The following RFX1 variants were observed in gnomAD, a reference collection of about 807,000 sequenced individuals.
RFX1 encodes MHC class II regulatory factor RFX1.
A neutral mutation model predicts 119.6 loss-of-function variants in RFX1; 42 were observed. That is an observed-to-expected ratio of 0.35 (90% CI 0.27 to 0.45). The LOEUF (loss-of-function observed/expected upper bound fraction) is 0.45. Among genes scored for constraint, RFX1 ranks in the 20% least tolerant of loss-of-function variants. RFX1 has a pLI of 1.00. For synonymous variants in RFX1, 628 were observed against 618.5 expected, an observed-to-expected ratio of 1.02 and a Z score of -0.23; for missense variants, 1,118 against 1,368.1, an observed-to-expected ratio of 0.82 and a Z score of 2.88.
In RFX1 at chr19:13,971,100, G is replaced by A. The variant is rs187605811; in HGVS notation, c.1315-925C>T. ...TGTAATCCCAACACTTTGGGAGGCC[G>A]AGGCGGGCGGATCACCTGAAGTCAG... On this transcript the variant is annotated intron_variant, in intron 9 of 20. Coordinates refer to ENST00000254325, the MANE Select transcript of RFX1 (RefSeq NM_002918.5). Among the ~76,000 whole-genome samples, 485 of 152,128 alleles carry A rather than the reference G, an allele frequency of 3.2e-3. 3 individuals carry two copies. The highest frequency in any genetic ancestry group is 0.017 in the Middle Eastern group (5 of 294).
In RFX1 at chr19:13,973,029, G is replaced by T. The variant is rs753133767; in HGVS notation, c.1028C>A (p.Thr343Asn). Reference protein sequence around the residue: ...EAAGTATQVSTPATSQAVASS... With the variant: ...EAAGTATQVSNPATSQAVASS... ...GGCCACCGCCTGGGAGGTGGCGGGG[G>T]TGCTGACCTGGGTGGCCGTGCCTGC... is the stretch of plus-strand genomic sequence containing the variant. The change falls in exon 9 of 21, where the codon ACC becomes AAC. Residue 343 changes from threonine (T) to asparagine (N), a missense_variant. Thr to Asn is a moderately conservative substitution (Grantham distance 65, BLOSUM62 0). Around this residue, in one of 5 missense-constraint regions of RFX1, gnomAD observed 542 missense variants for 602.7 expected, o/e 0.90. Coordinates refer to ENST00000254325, the MANE Select transcript of RFX1 (RefSeq NM_002918.5). The T allele has an allele frequency of 3.1e-6, 5 of 1,601,570 alleles. No homozygotes were observed. Among genetic ancestry groups the T allele is most frequent in the Admixed American group, 1.7e-5 (1 of 60,000 alleles).
rs1973920837 is a variant in RFX1 at position 13,966,885 on chromosome 19, G to A, written c.1733-134C>T. 1.5e-5 allele frequency: 9 copies of A among 598,644 alleles called. No individual in the cohort carries two copies. Among genetic ancestry groups the A allele is most frequent in the East Asian group, 1.5e-4 (5 of 33,574 alleles). The allele number at this position is 598,644 out of a possible 1,614,324, so 37.1% of individuals were successfully genotyped here. A position where few individuals can be genotyped will look rare whatever the true frequency, so the allele number is the denominator to read the frequency against. On this transcript the variant is annotated intron_variant, in intron 12 of 20. Transcript: ENST00000254325. This position sits in a 1 kb window ranked among gnomAD's most constrained non-coding sequence, Gnocchi z 6.3. ...TGAGACAACGCTAGGTGGGGTGAGC[G>A]CCTGGCCCGGGCCCAGGACGGGCCC...
chr19:13,986,622 C>T lies in RFX1; in HGVS notation c.320-3027G>A, dbSNP rs903431835. Among the ~76,000 whole-genome samples, 6 of 152,120 alleles carry T rather than the reference C, an allele frequency of 3.9e-5. No homozygotes were observed. Among genetic ancestry groups the T allele is most frequent in the East Asian group, 1.9e-4 (1 of 5,192 alleles). ...GCGTCTGCATCTATCTGCCGGAGATCGCCACTCTGGGCATGCGCAGGAGGC... is the reference window on the plus strand; with the variant it reads ...GCGTCTGCATCTATCTGCCGGAGATTGCCACTCTGGGCATGCGCAGGAGGC... On this transcript the variant is annotated intron_variant, in intron 2 of 20. Transcript: ENST00000254325. The surrounding 1 kb of genome is among the most constrained non-coding windows in gnomAD (Gnocchi z 4.2).
In RFX1 at chr19:13,979,433, G is replaced by C. The variant is rs765546698; in HGVS notation, c.834+14C>G. ...AGCCCCTTTGCCCGTGGGGTAGGAG[G>C]GGGAGACACACACCTCTTGAGCCAC... On this transcript the variant is annotated intron_variant, in intron 7 of 20. Coordinates refer to ENST00000254325, the MANE Select transcript of RFX1 (RefSeq NM_002918.5). The C allele has an allele frequency of 1.9e-6, 3 of 1,547,910 alleles. No homozygotes were observed. Among genetic ancestry groups the C allele is most frequent in the Admixed American group, 1.8e-5 (1 of 55,198 alleles).
chr19:13,979,013 C>G (rs1299300985), intron 7 of RFX1, among the ~76,000 whole-genome samples: 1 of 151,488 alleles, frequency 6.6e-6, no homozygotes, highest in Non-Finnish European at 1.5e-5. Context: ...GGCGGCGGCT[C>G]CGGCGGCGGC....
intron 1 of RFX1, among the ~76,000 whole-genome samples, chr19:14,005,527 C>A (rs1467116320): frequency 1.2e-4 from 19 of 152,290 alleles, no homozygotes; most frequent in Non-Finnish European, 4.4e-5. Flanking sequence ...AGGAAAAGGG[C>A]GATGTCAATG....
chr19:13,989,281 C>T (rs977539414), intron 2 of RFX1, among the ~76,000 whole-genome samples: 4 of 151,780 alleles, frequency 2.6e-5, no homozygotes, highest in African/African-American at 7.3e-5. Context: ...TGGAAGTGGG[C>T]GAGGCTGGGA....
At chr19:13,995,944 C>T (rs1359113309) in intron 1 of RFX1, among the ~76,000 whole-genome samples, 2 of 151,242 alleles carry the variant, frequency 1.3e-5, no homozygotes, top group East Asian at 1.9e-4. Context: ...GGGAGAATTG[C>T]TTGAACCCAG....
chr19:13,979,211 A>G (rs989437002), intron 7 of RFX1, among the ~76,000 whole-genome samples: 4 of 152,142 alleles, frequency 2.6e-5, no homozygotes, highest in African/African-American at 9.7e-5. Context: ...GGGGTCTCGG[A>G]GAGGGGTTAG....
chr19:13,998,622 G>A (rs995727918), intron 1 of RFX1, among the ~76,000 whole-genome samples: 1 of 152,174 alleles, frequency 6.6e-6, no homozygotes, highest in Non-Finnish European at 1.5e-5. Context: ...GGATCTTCAA[G>A]CTCTTGGGAG....
chr19:13,994,774 TATTGAA>T lies in RFX1; in HGVS notation c.-52-885_-52-880del, dbSNP rs1318394170. ...GTGTGTGTGTATTTTTTTACTTATATATTGAAATCTACATGTACATATATATACATA... is the reference window on the plus strand; with the variant it reads ...GTGTGTGTGTATTTTTTTACTTATATATCTACATGTACATATATATACATA... On this transcript the variant is annotated intron_variant, in intron 1 of 20. Coordinates refer to ENST00000254325, the MANE Select transcript of RFX1 (RefSeq NM_002918.5). 4.0e-5 allele frequency among the ~76,000 whole-genome samples: 6 copies of T among 149,080 alleles called. No homozygotes were observed. In the East Asian group the frequency reaches 1.2e-3, roughly 29 times the overall value.
intron 12 of RFX1, among the ~76,000 whole-genome samples, chr19:13,967,473 G>A (rs1445554984): frequency 2.0e-5 from 3 of 151,332 alleles, no homozygotes; most frequent in African/African-American, 7.3e-5. Context: ...CACTGCACCC[G>A]GCCTTTTTTA....
intron 8 of RFX1, among the ~76,000 whole-genome samples, chr19:13,977,660 G>A (rs2145575848): frequency 6.6e-6 from 1 of 151,450 alleles, no homozygotes. Flanking sequence ...CAAGTGATCT[G>A]CCCGCTTAGG....
chr19:13,973,212 T>G, intron 8 of RFX1, 85 bp from the exon 9 acceptor site: 3 of 845,984 alleles, frequency 3.5e-6, no homozygotes, highest in Non-Finnish European at 3.7e-6. Context: ...AGGGGGGTCC[T>G]AGGAGGGGAC....
chr19:14,005,713 G>C (rs937491656), intron 1 of RFX1, among the ~76,000 whole-genome samples: 1 of 152,152 alleles, frequency 6.6e-6, no homozygotes, highest in Non-Finnish European at 1.5e-5. Context: ...AGGTTGGGGA[G>C]ACCCAGCCGG....
Position 13,966,447 on chromosome 19 carries a change from C to A in RFX1, c.1935G>T (p.Gln645His). ...WKTFWRYNLS[Q>H]PSEAPPLAVH... is the part of the protein sequence containing the mutation. ...CAGCCAGCGGTGGCGCCTCACTGGGCTGGCTGAGGTTGTACCTCCAGAAGG... is the reference window on the plus strand; with the variant it reads ...CAGCCAGCGGTGGCGCCTCACTGGGATGGCTGAGGTTGTACCTCCAGAAGG... Residue 645 changes from glutamine (Q) to histidine (H), a missense_variant, in exon 14 of 21, where the codon CAG (glutamine) becomes CAT (histidine). Around this residue, in one of 5 missense-constraint regions of RFX1, gnomAD observed 338 missense variants for 508.9 expected, o/e 0.66. Coordinates refer to ENST00000254325, the MANE Select transcript of RFX1 (RefSeq NM_002918.5). This position sits in a 1 kb window ranked among gnomAD's most constrained non-coding sequence, Gnocchi z 6.3. 3.1e-6 allele frequency: 5 copies of A among 1,611,258 alleles called. No individual in the cohort carries two copies. The highest frequency in any genetic ancestry group is 3.4e-6 in the Non-Finnish European group (4 of 1,178,916).
intron 1 of RFX1, among the ~76,000 whole-genome samples, chr19:13,994,894 AT>A: frequency 2.4e-4 from 1 of 4,164 alleles, no homozygotes. Flanking sequence ...ATATACATAC[AT>A]ATATATATAT....
At chr19:13,964,696 G>A (rs2145532133) in intron 16 of RFX1, among the ~76,000 whole-genome samples, 1 of 152,236 alleles carries the variant, frequency 6.6e-6, no homozygotes, top group East Asian at 1.9e-4. Context: ...TGGCCAGGCT[G>A]GTCTTGAACT....
Position 13,993,867 on chromosome 19 carries a change from T to G in RFX1, c.-24A>C. 1 of 1,459,814 alleles carries G rather than the reference T, an allele frequency of 6.9e-7. No homozygotes were observed. Among genetic ancestry groups the G allele is most frequent in the Non-Finnish European group, 9.1e-7 (1 of 1,098,384 alleles). 90.4% of individuals were successfully genotyped at this position (1,459,814 alleles called of 1,614,324 possible). ...ATGCCAACGGTGGGGAAAATGATAA[T>G]AAATAAGGCTTTTTTTTTTTTTTAA... On this transcript the variant is annotated 5_prime_UTR_variant, in exon 2 of 21. Coordinates refer to ENST00000254325, the MANE Select transcript of RFX1 (RefSeq NM_002918.5).
Sources: gnomAD v4.1 joint callset for allele counts (sites outside exome capture counted in the v4.1 genomes callset) on GRCh38, gnomAD v4.1.1 for gene constraint, gnomAD v4.1.1 regional missense constraint, Gnocchi (gnomAD v3.1) non-coding constraint, MANE v1.5 for transcripts, NCBI Gene and HGNC (gene_info 2026-07-23, HGNC 2026-07-21) for gene names.